Variants in TJP1 observed in about 807,000 individuals in gnomAD.
The protein encoded by TJP1 is tight junction protein ZO-1.
In TJP1, 43 loss-of-function variants were observed where a neutral mutation model predicts 194.2. That is an observed-to-expected ratio of 0.22 (90% CI 0.17 to 0.29). TJP1 has a LOEUF of 0.29. Ranked by LOEUF, TJP1 falls within the 10% of genes least tolerant of loss-of-function variation. The pLI is 1.00. For synonymous variants in TJP1, 801 were observed against 779.0 expected (o/e 1.03, Z -0.47); for missense variants, 1,971 against 2,185.7 (o/e 0.90, Z 1.96).
At chr15:29,736,265 C>T (rs1488148368) in intron 11 of TJP1, among the ~76,000 whole-genome samples, 5 of 152,076 alleles carry the variant, frequency 3.3e-5, no homozygotes, top group Non-Finnish European at 5.9e-5. Flanking sequence ...CAGGCAAGGG[C>T]CTCAACCACA....
At chr15:29,799,341 G>C (rs2048623960) in intron 2 of TJP1, among the ~76,000 whole-genome samples, 1 of 151,844 alleles carries the variant, frequency 6.6e-6, no homozygotes, top group African/African-American at 2.4e-5. Context: ...GTTAAGGTTA[G>C]TATTAGATAA....
chr15:29,792,361 T>C (rs1263780436), intron 2 of TJP1, among the ~76,000 whole-genome samples: 2 of 152,238 alleles, frequency 1.3e-5, no homozygotes, highest in African/African-American at 4.8e-5. Context: ...CAGACTGTCC[T>C]TTCCCCAATG....
In TJP1 at chr15:29,708,622, T is replaced by C. The variant is rs759844450; in HGVS notation, c.4787A>G (p.His1596Arg). The C allele has an allele frequency of 2.5e-6, 4 of 1,614,056 alleles. No individual in the cohort carries two copies. Among genetic ancestry groups the C allele is most frequent in the East Asian group, 2.2e-5 (1 of 44,894 alleles). ...FDSGVETFSI[H>R]AEKPKYQINN... ...TATTTGATATTTAGGCTTCTCTGCA[T>C]GGATAGAGAAAGTTTCAACTCCACT... Residue 1596 changes from histidine (H) to arginine (R), a missense_variant, in exon 25 of 28, where the codon CAT becomes CGT. Coordinates refer to ENST00000614355, the MANE Select transcript of TJP1 (RefSeq NM_001330239.4).
intron 2 of TJP1, among the ~76,000 whole-genome samples, chr15:29,861,508 C>T (rs1380209440): frequency 6.6e-6 from 1 of 152,168 alleles, no homozygotes; most frequent in Admixed American, 6.5e-5. Context: ...GTTTAGCATT[C>T]CAGTAGTGGA....
chr15:29,815,806 A>G (rs546625136), intron 1 of TJP1, among the ~76,000 whole-genome samples: 1 of 152,348 alleles, frequency 6.6e-6, no homozygotes, highest in African/African-American at 2.4e-5. Flanking sequence ...AACTGTACAG[A>G]GTTTACATTT....
chr15:29,867,998 C>G (rs1164678287), intron 2 of TJP1, among the ~76,000 whole-genome samples: 2 of 145,216 alleles, frequency 1.4e-5, no homozygotes, highest in Admixed American at 1.4e-4. Context: ...AGAGAGGTTG[C>G]AGTGAGCTGA....
rs1158612402 is a variant in TJP1 at position 29,795,155 on chromosome 15, G to GGC, written c.84+5489_84+5490dup. Among the ~76,000 whole-genome samples the GGC allele has an allele frequency of 5.3e-5, 8 of 152,214 alleles. No homozygotes were observed. In the East Asian group the frequency reaches 1.5e-3, roughly 29 times the overall value. On this transcript the variant is annotated intron_variant, in intron 2 of 27. Coordinates refer to ENST00000614355, the MANE Select transcript of TJP1 (RefSeq NM_001330239.4). ...ACACAAACTACCAGTCAGGCATGGT[G>GGC]GCTCACGCCTGTAATCCCAGCACTT...
intron 2 of TJP1, among the ~76,000 whole-genome samples, chr15:29,780,461 GGGTGGCTGCACATACA>G (rs2047294671): frequency 6.6e-6 from 1 of 152,080 alleles, no homozygotes. Flanking sequence ...GAGCAATGGG[GGGTGGCTGCACATACA>G]GGTGAAGCTT....
intron 10 of TJP1, among the ~76,000 whole-genome samples, chr15:29,739,692 A>G (rs971747659): frequency 6.6e-6 from 1 of 151,796 alleles, no homozygotes; most frequent in Non-Finnish European, 1.5e-5. Context: ...TGATCTGCCC[A>G]CCTCGGACTC....
At chr15:29,774,288 T>A (rs2046874488) in intron 2 of TJP1, among the ~76,000 whole-genome samples, 1 of 150,706 alleles carries the variant, frequency 6.6e-6, no homozygotes. Flanking sequence ...TTTCCTCCCA[T>A]CCCAAAGCCT....
intron 2 of TJP1, among the ~76,000 whole-genome samples, chr15:29,940,542 A>G (rs1410325786): frequency 6.6e-6 from 1 of 152,240 alleles, no homozygotes; most frequent in Non-Finnish European, 1.5e-5. Flanking sequence ...GACAAATACA[A>G]CCAATTTTCT....
intron 5 of TJP1, 37 bp from the exon 6 acceptor site, chr15:29,762,475 C>A: frequency 6.9e-7 from 1 of 1,456,448 alleles, no homozygotes. Context: ...AGTATAACAT[C>A]CTAAGACACC....
intron 27 of TJP1, 27 bp from the exon 28 acceptor site, chr15:29,701,716 T>C: frequency 6.4e-7 from 1 of 1,562,616 alleles, no homozygotes; most frequent in South Asian, 1.1e-5. Flanking sequence ...GTTGATGTCA[T>C]TTACAGTTCA....
intron 2 of TJP1, among the ~76,000 whole-genome samples, chr15:29,867,513 G>A (rs1311885220): frequency 2.0e-5 from 3 of 152,116 alleles, no homozygotes; most frequent in African/African-American, 7.2e-5. Flanking sequence ...CCACTATGTG[G>A]GAGCTTTTAA....
At chr15:29,864,810 G>A (rs1035957457) in intron 2 of TJP1, among the ~76,000 whole-genome samples, 2 of 152,008 alleles carry the variant, frequency 1.3e-5, no homozygotes, top group African/African-American at 4.8e-5. Flanking sequence ...TTTATACTTG[G>A]CACGCTTTTT....
At chr15:29,701,897 AT>A (rs1180255095) in intron 27 of TJP1, among the ~76,000 whole-genome samples, 1 of 152,128 alleles carries the variant, frequency 6.6e-6, no homozygotes, top group African/African-American at 2.4e-5. Flanking sequence ...TTCTAAAAAA[AT>A]TTTTTTTAAA....
intron 18 of TJP1, among the ~76,000 whole-genome samples, chr15:29,724,229 T>C (rs2043106528): frequency 6.6e-6 from 1 of 152,142 alleles, no homozygotes; most frequent in Non-Finnish European, 1.5e-5. Flanking sequence ...GGTCTCCCCA[T>C]GCTCCAGTTT....
At chr15:29,919,310 G>A (rs1265907577) in intron 2 of TJP1, among the ~76,000 whole-genome samples, 1 of 152,202 alleles carries the variant, frequency 6.6e-6, no homozygotes, top group Non-Finnish European at 1.5e-5. Flanking sequence ...TTAGGTTGGT[G>A]GGCACAAGGG....
intron 15 of TJP1, chr15:29,730,942 C>G: frequency 8.2e-7 from 1 of 1,217,116 alleles, no homozygotes; most frequent in East Asian, 2.3e-5. Context: ...GATGCCAAAA[C>G]AGACCAGGCA....
Sources: gnomAD v4.1 joint callset for allele counts (sites outside exome capture counted in the v4.1 genomes callset) on GRCh38, gnomAD v4.1.1 for gene constraint, MANE v1.5 for transcripts, NCBI Gene and HGNC (gene_info 2026-07-23, HGNC 2026-07-21) for gene names.